SLCO1A2: variants seen among roughly 807,000 people sequenced by gnomAD.
SLCO1A2 encodes OATP-1.
Under a neutral mutation model 69.0 loss-of-function variants are expected in SLCO1A2, and 67 were observed. The observed-to-expected ratio is 0.97, with a 90% CI of 0.80 to 1.19. The LOEUF is 1.19. SLCO1A2 is among the 50% of genes most tolerant of loss of function. The pLI, the probability that SLCO1A2 is intolerant of heterozygous loss-of-function variation, is 0.00. For synonymous variants in SLCO1A2, 260 were observed against 265.9 expected (o/e 0.98, Z 0.22); for missense variants, 787 against 793.7 (o/e 0.99, Z 0.10).
chr12:21,272,045 G>T (rs1942969969), intron 14 of SLCO1A2, among the ~76,000 whole-genome samples: 1 of 151,416 alleles, frequency 6.6e-6, no homozygotes, highest in African/African-American at 2.4e-5. Context: ...ATTTAAGACT[G>T]CATTCTTTTC....
intron 2 of SLCO1A2, among the ~76,000 whole-genome samples, chr12:21,321,493 G>C (rs971278343): frequency 2.6e-5 from 4 of 152,134 alleles, no homozygotes; most frequent in Non-Finnish European, 4.4e-5. Flanking sequence ...AAAATACATA[G>C]TTAGCAAATT....
At chr12:21,299,156 G>C (rs1468584045) in intron 8 of SLCO1A2, among the ~76,000 whole-genome samples, 2 of 152,044 alleles carry the variant, frequency 1.3e-5, no homozygotes, top group Non-Finnish European at 2.9e-5. Flanking sequence ...CCAATAGCCA[G>C]GCTGCACATC....
At position 21,274,276 on chromosome 12, in the gene SLCO1A2, G is replaced by A. The variant is rs1053877842; in HGVS notation, c.1793+193C>T. On this transcript the variant is annotated intron_variant, in intron 14 of 14. Coordinates refer to ENST00000683939, the MANE Select transcript of SLCO1A2 (RefSeq NM_001386879.1). ...AGCCATGTATGCTTATATTTACCAA[G>A]CACTTGAGAAATAATGGGAAAATAC... 6 of 493,474 alleles carry A rather than the reference G, an allele frequency of 1.2e-5. No homozygotes were observed. The East Asian group carries it at 1.6e-4, about 13-fold the overall frequency. The allele number at this position is 493,474 out of a possible 1,614,324, so 30.6% of individuals were successfully genotyped here. A position where few individuals can be genotyped will look rare whatever the true frequency, so the allele number is the denominator to read the frequency against.
At chr12:21,322,678 C>A (rs774168541) in intron 2 of SLCO1A2, among the ~76,000 whole-genome samples, 2 of 151,956 alleles carry the variant, frequency 1.3e-5, no homozygotes, top group African/African-American at 2.4e-5. Context: ...GACTTAAAGT[C>A]TGTGTTGATG....
At chr12:21,289,220 G>GTGTGTT (rs1946451008) in intron 12 of SLCO1A2, among the ~76,000 whole-genome samples, 1 of 150,226 alleles carries the variant, frequency 6.7e-6, no homozygotes, top group Admixed American at 6.6e-5. Context: ...GTGTGTGTGT[G>GTGTGTT]TGTGTATGGC....
intron 6 of SLCO1A2, among the ~76,000 whole-genome samples, chr12:21,301,876 C>T (rs1031560567): frequency 2.0e-5 from 3 of 152,174 alleles, no homozygotes; most frequent in African/African-American, 7.2e-5. Context: ...TGTCTCATCA[C>T]TTGTCTACAA....
intron 12 of SLCO1A2, among the ~76,000 whole-genome samples, chr12:21,287,293 A>C (rs1267950125): frequency 2.0e-5 from 3 of 149,492 alleles, no homozygotes; most frequent in Admixed American, 6.7e-5. Context: ...GAGAAATGCA[A>C]ATCAAAACCA....
At chr12:21,383,704 A>T (rs750665079) in intron 1 of SLCO1A2, among the ~76,000 whole-genome samples, 6 of 152,084 alleles carry the variant, frequency 3.9e-5, no homozygotes, top group African/African-American at 1.2e-4. Flanking sequence ...TTTATATTTG[A>T]TATGATATTA....
rs184774690 is a variant in SLCO1A2, at chr12:21,366,142, A to G, written c.-63+8257T>C. ...CTATTCACAACAGCAAAGACTTGGA[A>G]CCAACCCAAATGTCCATCAGTGATA... On this transcript the variant is annotated intron_variant, in intron 2 of 15. Transcript: ENST00000307378. Among the ~76,000 whole-genome samples, 17 of 152,324 alleles carry G rather than the reference A, an allele frequency of 1.1e-4. No individual in the cohort carries two copies. The East Asian group carries it at 3.3e-3, about 29-fold the overall frequency.
At chr12:21,360,883 G>C (rs1351571901) in intron 2 of SLCO1A2, among the ~76,000 whole-genome samples, 1 of 152,196 alleles carries the variant, frequency 6.6e-6, no homozygotes, top group African/African-American at 2.4e-5. Context: ...AAACAAAGCA[G>C]CTAGGAACTC....
chr12:21,354,534 T>A (rs2137023226), intron 2 of SLCO1A2, among the ~76,000 whole-genome samples: 1 of 152,288 alleles, frequency 6.6e-6, no homozygotes, highest in Admixed American at 6.5e-5. Context: ...ATTTTTTCCG[T>A]CATAGTCTCA....
chr12:21,297,685 T>C (rs755815338), intron 8 of SLCO1A2, 117 bp from the exon 9 acceptor site: 78 of 662,098 alleles, frequency 1.2e-4, no homozygotes, highest in Non-Finnish European at 1.8e-4. Context: ...TTGTAATATG[T>C]ATTGTTTGCT....
At chr12:21,293,819 C>A in intron 11 of SLCO1A2, 126 bp downstream of exon 11, 2 of 689,198 alleles carry the variant, frequency 2.9e-6, no homozygotes, top group South Asian at 3.2e-5. Context: ...GTTATTTTTC[C>A]ACATACAAAA....
At chr12:21,292,407 G>T in intron 11 of SLCO1A2, 71 bp from the exon 12 acceptor site, 1 of 1,254,008 alleles carries the variant, frequency 8.0e-7, no homozygotes, top group Non-Finnish European at 1.1e-6. Flanking sequence ...TTTCTACACA[G>T]CCAGTTGGAT....
chr12:21,327,472 C>T (rs1952324488), intron 2 of SLCO1A2, among the ~76,000 whole-genome samples: 1 of 152,158 alleles, frequency 6.6e-6, no homozygotes, highest in Non-Finnish European at 1.5e-5. Flanking sequence ...CCACAGAACA[C>T]TCAACACCAT....
chr12:21,333,086 G>T (rs1343132127), intron 2 of SLCO1A2, among the ~76,000 whole-genome samples: 1 of 151,992 alleles, frequency 6.6e-6, no homozygotes, highest in Non-Finnish European at 1.5e-5. Flanking sequence ...AACCTTCTCA[G>T]AGTGTATTCT....
At position 21,390,866 on chromosome 12, in the gene SLCO1A2, T is replaced by C. The variant is rs550844979; in HGVS notation, c.-190+4040A>G. 1.3e-4 allele frequency among the ~76,000 whole-genome samples: 20 copies of C among 152,288 alleles called. No homozygotes were observed. In the East Asian group the frequency reaches 1.4e-3, roughly 10 times the overall value. On this transcript the variant is annotated intron_variant, in intron 1 of 15. Coordinates refer to the SLCO1A2 transcript ENST00000307378. Reference sequence around the variant, plus strand: ...CCTGAAATGTTATAAATTTCAATAATTGGTAGCTCCTGCTGCTAGACAAAT... The same window carrying C: ...CCTGAAATGTTATAAATTTCAATAACTGGTAGCTCCTGCTGCTAGACAAAT...
chr12:21,280,775 A>G (rs950439241), intron 12 of SLCO1A2, among the ~76,000 whole-genome samples: 3 of 152,166 alleles, frequency 2.0e-5, no homozygotes, highest in Non-Finnish European at 4.4e-5. Context: ...ATTTTATCCA[A>G]TGGCTACAGA....
intron 2 of SLCO1A2, among the ~76,000 whole-genome samples, chr12:21,321,971 C>T (rs558213214): frequency 6.6e-6 from 1 of 152,282 alleles, no homozygotes; most frequent in East Asian, 1.9e-4. Context: ...TTATTTACCC[C>T]TGTGGCCCTG....
Sources: allele counts gnomAD v4.1 joint callset (sites outside exome capture counted in the v4.1 genomes callset), GRCh38; gene constraint gnomAD v4.1.1; transcripts MANE v1.5; gene names NCBI Gene and HGNC (gene_info 2026-07-23, HGNC 2026-07-21).